The following ECM2 variants were observed in gnomAD, a reference collection of about 807,000 sequenced individuals.
The protein encoded by ECM2 is extracellular matrix protein 2, female organ and adipocyte specific.
ECM2 carries 57 observed loss-of-function variants against 67.5 expected under a neutral mutation model. The ratio of observed to expected loss-of-function variants is 0.84; its 90% CI spans 0.68 to 1.05. The LOEUF is 1.05. Among genes scored for constraint, ECM2 ranks in the 50% least tolerant of loss-of-function variants. The pLI is 0.00. For missense variants in ECM2, 741 were observed against 822.8 expected, an observed-to-expected ratio of 0.90 and a Z score of 1.22; for synonymous variants, 258 against 294.5, an observed-to-expected ratio of 0.88 and a Z score of 1.27.
At chr9:92,541,513 A>G (rs1849320687), upstream of ECM2, among the ~76,000 whole-genome samples, 1 of 147,690 alleles carries the variant, frequency 6.8e-6, no homozygotes, top group Non-Finnish European at 1.5e-5. Flanking sequence ...GGTGCCTGCC[A>G]CTGTGCCTGG....
chr9:92,540,499 G>A (rs898673021), upstream of ECM2, among the ~76,000 whole-genome samples: 1 of 152,006 alleles, frequency 6.6e-6, no homozygotes, highest in Non-Finnish European at 1.5e-5. Context: ...AAGGCTGGGG[G>A]CAGTGGCTCA....
intron 1 of ECM2, among the ~76,000 whole-genome samples, chr9:92,532,588 T>TGATACTC (rs1382869562): frequency 6.6e-6 from 1 of 152,194 alleles, no homozygotes; most frequent in Non-Finnish European, 1.5e-5. Context: ...TCCAGTTCAT[T>TGATACTC]GATACTCTCT....
At chr9:92,497,710 C>T (rs1846430634) in intron 9 of ECM2, among the ~76,000 whole-genome samples, 1 of 151,444 alleles carries the variant, frequency 6.6e-6, no homozygotes, top group Non-Finnish European at 1.5e-5. Context: ...TTTGACCCCT[C>T]CAAATCTCAT....
intron 4 of ECM2, among the ~76,000 whole-genome samples, chr9:92,513,254 A>T (rs1847470250): frequency 6.6e-6 from 1 of 152,296 alleles, no homozygotes; most frequent in Admixed American, 6.5e-5. Flanking sequence ...GAAGGTCTAG[A>T]TGACCACATT....
chr9:92,538,834 G>A (rs914091335), upstream of ECM2, among the ~76,000 whole-genome samples: 2 of 152,144 alleles, frequency 1.3e-5, no homozygotes, highest in African/African-American at 4.8e-5. Context: ...GTGCCACAGG[G>A]CCATCTGCCT....
At position 92,500,886 on chromosome 9, in the gene ECM2, T is replaced by C; in HGVS notation, c.1772A>G (p.Asn591Ser). The C allele has an allele frequency of 6.2e-7, 1 of 1,614,196 alleles. No individual in the cohort carries two copies. Among genetic ancestry groups the C allele is most frequent in the Non-Finnish European group, 8.5e-7 (1 of 1,180,036 alleles). Residue 591 changes from asparagine (N) to serine (S), a missense_variant, in exon 9 of 10, where the codon AAC (asparagine) becomes AGC (serine). Coordinates refer to ENST00000344604, the MANE Select transcript of ECM2 (RefSeq NM_001393.4). Reference protein sequence around the residue: ...PGLEYLYLSFNKLADDGMDRV... With the variant: ...PGLEYLYLSFSKLADDGMDRV... ...GTCCATGCCATCATCAGCAAGTTTGTTAAATGACAGGTACAAGTATTCCAG... is the reference window on the plus strand; with the variant it reads ...GTCCATGCCATCATCAGCAAGTTTGCTAAATGACAGGTACAAGTATTCCAG...
rs1179361181 is a variant in ECM2, at chr9:92,522,835, A to G, written c.32T>C (p.Leu11Pro). 3 of 1,608,640 alleles carry G rather than the reference A, an allele frequency of 1.9e-6. No individual in the cohort carries two copies. The South Asian group carries it at 3.3e-5, about 18-fold the overall frequency. Residue 11 changes from leucine (L) to proline (P), a missense_variant, in exon 2 of 10, where the codon CTG (leucine) becomes CCG (proline). Transcript: ENST00000344604. MKIAVLFCFF[L>P]LIIFQTDFGK... ...AAAGTCAGTTTGAAAAATGATAAGCAGAAAAAAACAAAACAAAACTGCAAT... is the reference window on the plus strand; with the variant it reads ...AAAGTCAGTTTGAAAAATGATAAGCGGAAAAAAACAAAACAAAACTGCAAT...
the ECM2 span, among the ~76,000 whole-genome samples, chr9:92,557,525 CT>C: frequency 6.6e-6 from 1 of 152,118 alleles, no homozygotes; most frequent in East Asian, 1.9e-4. Context: ...TTTTCTTATT[CT>C]TTTTTCTCTG....
Position 92,518,019 on chromosome 9 carries a change from C to T in ECM2, c.293-144G>A, listed in dbSNP as rs1847831395. The T allele has an allele frequency of 3.4e-5, 33 of 965,672 alleles. No individual in the cohort carries two copies. The South Asian group carries it at 5.4e-4, about 16-fold the overall frequency. 59.8% of individuals were successfully genotyped at this position (965,672 alleles called of 1,614,324 possible). On this transcript the variant is annotated intron_variant, in intron 2 of 9. Transcript: ENST00000344604. ...GCATTCATGTATAGGGTAAAGATGT[C>T]GTATAGACATAAGAAATGCTGAAAT...
At chr9:92,523,391 G>C (rs887669193) in intron 1 of ECM2, among the ~76,000 whole-genome samples, 2 of 152,200 alleles carry the variant, frequency 1.3e-5, no homozygotes, top group African/African-American at 4.8e-5. Flanking sequence ...CATGAAAGCA[G>C]CCATAGACAA....
At chr9:92,555,700 A>G in the ECM2 span, among the ~76,000 whole-genome samples, 1 of 152,120 alleles carries the variant, frequency 6.6e-6, no homozygotes, top group Non-Finnish European at 1.5e-5. Flanking sequence ...GTAGCCTTGA[A>G]TGATCTTTTG....
rs537594140 is a variant in ECM2, at chr9:92,511,029, A to G, written c.1170+982T>C. ...CACTTAGTGGAATATAGTGTGCTTTATTTTTGGCTTTTCAAACATACACAT... is the reference window on the plus strand; with the variant it reads ...CACTTAGTGGAATATAGTGTGCTTTGTTTTTGGCTTTTCAAACATACACAT... On this transcript the variant is annotated intron_variant, in intron 5 of 9. Transcript: ENST00000344604. 1.2e-4 allele frequency among the ~76,000 whole-genome samples: 18 copies of G among 152,280 alleles called. No homozygotes were observed. In the South Asian group the frequency reaches 3.5e-3, roughly 30 times the overall value.
chr9:92,501,665 C>T (rs568426177), intron 8 of ECM2, among the ~76,000 whole-genome samples: 2 of 152,308 alleles, frequency 1.3e-5, no homozygotes, highest in South Asian at 2.1e-4. Flanking sequence ...TGCCCCACGC[C>T]CTCTTTTCAC....
chr9:92,496,312 G>C lies in ECM2; in HGVS notation c.*3C>G. ...TTTATAAACAGCAAAGGAAAACTTG[G>C]AATTACTTGATGTTTTGTGGTTTAA... On this transcript the variant is annotated 3_prime_UTR_variant, in exon 10 of 10. Coordinates refer to ENST00000344604, the MANE Select transcript of ECM2 (RefSeq NM_001393.4). 6.4e-7 allele frequency: 1 copy of C among 1,571,836 alleles called. No homozygotes were observed. Among genetic ancestry groups the C allele is most frequent in the East Asian group, 2.3e-5 (1 of 43,548 alleles).
the ECM2 span, among the ~76,000 whole-genome samples, chr9:92,541,712 T>C: frequency 6.6e-6 from 1 of 152,068 alleles, no homozygotes; most frequent in African/African-American, 2.4e-5. Flanking sequence ...GACACTTAGG[T>C]TGATTCCATA....
chr9:92,551,928 T>TATATATATATATATATATATATATG, the ECM2 span, among the ~76,000 whole-genome samples: 1 of 53,510 alleles, frequency 1.9e-5, no homozygotes, highest in African/African-American at 1.0e-4. Context: ...TGTGTGTGTA[T>TATATATATATATATATATATATATG]ATATATATAT....
chr9:92,554,955 G>T, the ECM2 span, among the ~76,000 whole-genome samples: 1 of 151,916 alleles, frequency 6.6e-6, no homozygotes, highest in African/African-American at 2.4e-5. Context: ...CTAGTATTTT[G>T]TTATGGATTT....
chr9:92,518,135 TGTATCC>T (rs1230568565), intron 2 of ECM2, among the ~76,000 whole-genome samples: 1 of 152,196 alleles, frequency 6.6e-6, no homozygotes, highest in Non-Finnish European at 1.5e-5. Context: ...GCTTCCATTT[TGTATCC>T]ATCAGGATAG....
chr9:92,495,882 CTT>C lies in ECM2; in HGVS notation c.*431_*432del. 1.0e-6 allele frequency: 1 copy of C among 981,406 alleles called. No homozygotes were observed. The highest frequency in any genetic ancestry group is 4.7e-5 in the South Asian group (1 of 21,214). The allele number at this position is 981,406 out of a possible 1,614,324, so 60.8% of individuals were successfully genotyped here. A position where few individuals can be genotyped will look rare whatever the true frequency, so the allele number is the denominator to read the frequency against. On this transcript the variant is annotated 3_prime_UTR_variant, in exon 10 of 10. Transcript: ENST00000344604. Reference sequence around the variant, plus strand: ...ATTATTGTTTTAATAATAAACAACACTTATTCATAAATTCTGCCTGCTTTTTT... The same window carrying C: ...ATTATTGTTTTAATAATAAACAACACATTCATAAATTCTGCCTGCTTTTTT...
Sources: gnomAD v4.1 joint callset for allele counts (sites outside exome capture counted in the v4.1 genomes callset) on GRCh38, gnomAD v4.1.1 for gene constraint, MANE v1.5 for transcripts, NCBI Gene and HGNC (gene_info 2026-07-23, HGNC 2026-07-21) for gene names.